The following FBXW7 variants were observed in gnomAD, a reference collection of about 807,000 sequenced individuals.
The protein encoded by FBXW7 is F-box/WD repeat-containing protein 7.
FBXW7 carries 11 observed loss-of-function variants against 86.3 expected under a neutral mutation model. The ratio of observed to expected loss-of-function variants is 0.13; its 90% confidence interval spans 0.08 to 0.21. The LOEUF (loss-of-function observed/expected upper bound fraction) is 0.21, where lower values mean the gene tolerates loss of function less well. Ranked by LOEUF, FBXW7 falls within the 10% of genes least tolerant of loss-of-function variation. FBXW7 has a pLI of 1.00. For synonymous variants in FBXW7, 313 were observed against 297.9 expected, an observed-to-expected ratio of 1.05 and a Z score of -0.52; for missense variants, 488 against 847.4, an observed-to-expected ratio of 0.58 and a Z score of 5.27.
chr4:152,369,194 T>C (rs1346320064), intron 4 of FBXW7, among the ~76,000 whole-genome samples: 3 of 152,112 alleles, frequency 2.0e-5, no homozygotes, highest in Non-Finnish European at 4.4e-5. Flanking sequence ...GGCTTCATAA[T>C]AGTTACAGAA....
rs1743603551 is a variant in FBXW7 at position 152,467,928 on chromosome 4, C to T, written c.-119-55399G>A. ...CATGTATGTGATAAGGGACTAGTTT[C>T]CAGAATATATAAAGAATGTTTACAA... On this transcript the variant is annotated intron_variant, in intron 2 of 13. Coordinates refer to ENST00000281708, the MANE Select transcript of FBXW7 (RefSeq NM_001349798.2). Among the ~76,000 whole-genome samples the T allele has an allele frequency of 3.3e-5, 5 of 151,122 alleles. No individual in the cohort carries two copies. In the South Asian group the frequency reaches 1.0e-3, roughly 32 times the overall value.
intron 2 of FBXW7, among the ~76,000 whole-genome samples, chr4:152,507,139 A>G (rs1747502176): frequency 6.6e-6 from 1 of 152,226 alleles, no homozygotes; most frequent in Admixed American, 6.5e-5. Context: ...TGATCAGAAA[A>G]GACCGAAATA....
chr4:152,400,296 T>C (rs1028303731), intron 4 of FBXW7, among the ~76,000 whole-genome samples: 3 of 152,116 alleles, frequency 2.0e-5, no homozygotes, highest in Non-Finnish European at 2.9e-5. Context: ...AAATGGATCA[T>C]AGACATAAAT....
At chr4:152,398,236 C>T (rs1477266237) in intron 4 of FBXW7, among the ~76,000 whole-genome samples, 1 of 151,448 alleles carries the variant, frequency 6.6e-6, no homozygotes, top group East Asian at 1.9e-4. Context: ...TATGGAAAGC[C>T]GCTCTATCTA....
At chr4:152,334,008 C>T (rs1254020620) in intron 7 of FBXW7, among the ~76,000 whole-genome samples, 1 of 152,046 alleles carries the variant, frequency 6.6e-6, no homozygotes, top group Non-Finnish European at 1.5e-5. Flanking sequence ...GAGCCAAGAT[C>T]ACGTCGTTGC....
chr4:152,446,415 T>C (rs191760853), intron 2 of FBXW7, among the ~76,000 whole-genome samples: 195 of 151,468 alleles, frequency 1.3e-3, no homozygotes, highest in African/African-American at 4.4e-3. Flanking sequence ...CTAACTTCTA[T>C]AGCTTCAAGG....
intron 2 of FBXW7, among the ~76,000 whole-genome samples, chr4:152,480,370 AACC>A (rs1744769432): frequency 2.0e-5 from 3 of 152,092 alleles, no homozygotes; most frequent in Admixed American, 2.0e-4. Flanking sequence ...TGACTGCTCC[AACC>A]ACCAGCCAAT....
intron 4 of FBXW7, chr4:152,353,080 G>T: frequency 1.1e-6 from 1 of 902,460 alleles, no homozygotes; most frequent in Non-Finnish European, 1.4e-6. Flanking sequence ...CTGCATTTTT[G>T]AAGAGTTTTA....
Position 152,520,439 on chromosome 4 carries a change from C to CAA in FBXW7, c.-120+14500_-120+14501dup, listed in dbSNP as rs58890384. Among the ~76,000 whole-genome samples the CAA allele has an allele frequency of 1.9e-3, 116 of 60,456 alleles. 1 individual carries two copies. In the East Asian group the frequency reaches 0.027, roughly 14 times the overall value. 39.7% of individuals were successfully genotyped at this position (60,456 alleles called of 152,430 possible). ...TGGGCGACAGAGCGAGACTCCGTCTCAAAAAAAAAAAAAAAAAAAATCAAT... is the reference window on the plus strand; with the variant it reads ...TGGGCGACAGAGCGAGACTCCGTCTCAAAAAAAAAAAAAAAAAAAAAATCAAT... On this transcript the variant is annotated intron_variant, in intron 2 of 13. Coordinates refer to ENST00000281708, the MANE Select transcript of FBXW7 (RefSeq NM_001349798.2).
At chr4:152,472,907 A>G (rs1184637844) in intron 2 of FBXW7, among the ~76,000 whole-genome samples, 2 of 152,186 alleles carry the variant, frequency 1.3e-5, no homozygotes, top group Admixed American at 1.3e-4. Flanking sequence ...TATTATATAA[A>G]GGTAAATTAA....
At chr4:152,461,833 A>C (rs1178939572) in intron 2 of FBXW7, among the ~76,000 whole-genome samples, 1 of 152,230 alleles carries the variant, frequency 6.6e-6, no homozygotes, top group African/African-American at 2.4e-5. Context: ...AACTTCAGTA[A>C]GTCCTCACTT....
intron 6 of FBXW7, among the ~76,000 whole-genome samples, chr4:152,341,057 C>T (rs533593222): frequency 2.0e-4 from 31 of 152,278 alleles, no homozygotes; most frequent in African/African-American, 6.7e-4. Flanking sequence ...TACCAGTATG[C>T]GTCACCTAGA....
chr4:152,505,348 A>T (rs1054717167), intron 2 of FBXW7, among the ~76,000 whole-genome samples: 1 of 151,846 alleles, frequency 6.6e-6, no homozygotes, highest in African/African-American at 2.4e-5. Flanking sequence ...TTATTTTAAA[A>T]TTTTTTCTTT....
At chr4:152,525,153 G>A (rs1051340470) in intron 2 of FBXW7, among the ~76,000 whole-genome samples, 1 of 152,078 alleles carries the variant, frequency 6.6e-6, no homozygotes, top group Admixed American at 6.6e-5. Context: ...TATTTAAAAT[G>A]CTGAAATTTT....
chr4:152,426,587 G>A (rs1329209672), intron 2 of FBXW7, among the ~76,000 whole-genome samples: 1 of 152,140 alleles, frequency 6.6e-6, no homozygotes, highest in African/African-American at 2.4e-5. Flanking sequence ...CTGACCTGGT[G>A]ATCCGCCCGC....
intron 2 of FBXW7, among the ~76,000 whole-genome samples, chr4:152,522,148 C>G (rs1348459175): frequency 6.6e-6 from 1 of 152,118 alleles, no homozygotes; most frequent in Admixed American, 6.5e-5. Flanking sequence ...ATTCCATTTA[C>G]CTTGATACTT....
At chr4:152,519,406 C>T (rs1272574312) in intron 2 of FBXW7, among the ~76,000 whole-genome samples, 1 of 152,204 alleles carries the variant, frequency 6.6e-6, no homozygotes, top group Admixed American at 6.5e-5. Context: ...CTCAGATTTT[C>T]TGCTAAACCA....
At chr4:152,516,336 A>G (rs904244131) in intron 2 of FBXW7, among the ~76,000 whole-genome samples, 1 of 151,544 alleles carries the variant, frequency 6.6e-6, no homozygotes, top group Non-Finnish European at 1.5e-5. Flanking sequence ...GTGGCATTAG[A>G]GTCTCATAGG....
intron 4 of FBXW7, among the ~76,000 whole-genome samples, chr4:152,404,306 T>C (rs1480569316): frequency 6.6e-6 from 1 of 152,218 alleles, no homozygotes; most frequent in Non-Finnish European, 1.5e-5. Context: ...CAGAGAGTTA[T>C]TTTTCAAATA....
Sources: gnomAD v4.1 joint callset for allele counts (sites outside exome capture counted in the v4.1 genomes callset) on GRCh38, gnomAD v4.1.1 for gene constraint, MANE v1.5 for transcripts, NCBI Gene and HGNC (gene_info 2026-07-23, HGNC 2026-07-21) for gene names.